Variants in MYO1B observed in about 807,000 individuals in gnomAD.
MYO1B encodes unconventional myosin-Ib.
A neutral mutation model predicts 159.7 loss-of-function variants in MYO1B; 72 were observed. That is an observed-to-expected ratio of 0.45 (90% confidence interval 0.37 to 0.55). The LOEUF (loss-of-function observed/expected upper bound fraction) is 0.55. MYO1B is among the 20% of genes least tolerant of loss of function. MYO1B has a pLI of 0.00. For synonymous variants in MYO1B, 468 were observed against 473.8 expected (o/e 0.99, Z 0.16); for missense variants, 1,062 against 1,364.8 (o/e 0.78, Z 3.50).
intron 1 of MYO1B, among the ~76,000 whole-genome samples, chr2:191,265,036 G>A (rs115595939): frequency 6.5e-4 from 99 of 152,132 alleles, no homozygotes; most frequent in African/African-American, 2.0e-3. Context: ...TGCAGTAGTC[G>A]TTGTAACCTA....
At position 191,396,421 on chromosome 2, in the gene MYO1B, T is replaced by C; in HGVS notation, c.2227-8T>C. On this transcript the variant is annotated splice_region_variant and splice_polypyrimidine_tract_variant and intron_variant, in intron 20 of 30. Transcript: ENST00000392318. ...CAACTGCCAATATCTTCCCCTTTTATCCTACAGCAACAAAAGAGGTACCAG... is the reference window on the plus strand; with the variant it reads ...CAACTGCCAATATCTTCCCCTTTTACCCTACAGCAACAAAAGAGGTACCAG... 1 of 1,614,064 alleles carries C rather than the reference T, an allele frequency of 6.2e-7. No homozygotes were observed.
chr2:191,271,498 A>C (rs1178986770), intron 1 of MYO1B, among the ~76,000 whole-genome samples: 1 of 142,512 alleles, frequency 7.0e-6, no homozygotes, highest in Non-Finnish European at 1.5e-5. Flanking sequence ...ACATAGCAAG[A>C]TCTTCTTTCT....
intron 1 of MYO1B, among the ~76,000 whole-genome samples, chr2:191,258,054 C>T (rs1358721809): frequency 1.3e-5 from 2 of 151,980 alleles, no homozygotes; most frequent in African/African-American, 4.8e-5. Context: ...AAATTAGAAC[C>T]AATATATGTA....
intron 29 of MYO1B, 29 bp from the exon 30 acceptor site, chr2:191,416,086 T>A (rs763946520): frequency 5.6e-6 from 9 of 1,604,228 alleles, no homozygotes; most frequent in Non-Finnish European, 7.6e-6. Context: ...TATCTTTAAT[T>A]ATGACCGACT....
At position 191,364,283 on chromosome 2, in the gene MYO1B, GA is replaced by G; in HGVS notation, c.1032+10del. ...TACACTGAATGTGGCTCAGGTGGGT[GA>G]AACATAATGTACAGACGAAAGTTTC... On this transcript the variant is annotated splice_region_variant and intron_variant, in intron 11 of 30. Transcript: ENST00000392318. 2 of 1,594,604 alleles carry G rather than the reference GA, an allele frequency of 1.3e-6. No homozygotes were observed. The highest frequency in any genetic ancestry group is 1.7e-6 in the Non-Finnish European group (2 of 1,162,512).
At position 191,362,158 on chromosome 2, in the gene MYO1B, A is replaced by G. The variant is rs533228042; in HGVS notation, c.662-110A>G. 153 of 737,760 alleles carry G rather than the reference A, an allele frequency of 2.1e-4. 1 individual carries two copies. In the South Asian group the frequency reaches 2.9e-3, roughly 14 times the overall value. 45.7% of individuals were successfully genotyped at this position (737,760 alleles called of 1,614,324 possible). A position where few individuals can be genotyped will look rare whatever the true frequency, so the allele number is the denominator to read the frequency against. On this transcript the variant is annotated intron_variant, in intron 8 of 30. Transcript: ENST00000392318. ...ATAATTTGTGTTCTTTTGATTCAAT[A>G]CTTAATATAAAAGCCATGTTACCGA...
At chr2:191,414,270 G>A (rs1697427051) in intron 28 of MYO1B, 90 bp downstream of exon 28, 2 of 1,468,714 alleles carry the variant, frequency 1.4e-6, no homozygotes, top group African/African-American at 1.4e-5. Context: ...TGCATTTCAT[G>A]TTCTCAGTAG....
chr2:191,333,203 G>A (rs6722183), intron 4 of MYO1B, among the ~76,000 whole-genome samples: 70,002 of 151,854 alleles, frequency 0.46, 16,956 homozygotes, highest in African/African-American at 0.62. Context: ...CTATTTTCCA[G>A]TAACGTTAAT....
At chr2:191,375,470 AAGAT>A (rs149225477) in intron 13 of MYO1B, among the ~76,000 whole-genome samples, 1,898 of 146,356 alleles carry the variant, frequency 0.013, 14 homozygotes, top group African/African-American at 0.019. Flanking sequence ...TGATTTGTAA[AAGAT>A]AGATAGATAG....
At chr2:191,282,382 G>A (rs1012184755) in intron 2 of MYO1B, among the ~76,000 whole-genome samples, 1 of 152,210 alleles carries the variant, frequency 6.6e-6, no homozygotes, top group Admixed American at 6.5e-5. Context: ...GGCTCATGGT[G>A]GTGGTGGTGG....
chr2:191,330,484 G>T (rs1319718955), intron 4 of MYO1B, among the ~76,000 whole-genome samples: 1 of 152,202 alleles, frequency 6.6e-6, no homozygotes, highest in African/African-American at 2.4e-5. Flanking sequence ...GAAGAATTGA[G>T]ATTTTTATAT....
intron 21 of MYO1B, 21 bp downstream of exon 21, chr2:191,396,518 C>T (rs1340144052): frequency 6.2e-7 from 1 of 1,612,220 alleles, no homozygotes; most frequent in Non-Finnish European, 8.5e-7. Context: ...AAGAAGTATG[C>T]TTTATTTATT....
At chr2:191,399,903 A>G (rs1239359087) in intron 21 of MYO1B, among the ~76,000 whole-genome samples, 1 of 152,210 alleles carries the variant, frequency 6.6e-6, no homozygotes, top group Non-Finnish European at 1.5e-5. Flanking sequence ...CCATAAAATC[A>G]GTTTCCAGCA....
chr2:191,309,448 T>C (rs769396387), intron 3 of MYO1B, among the ~76,000 whole-genome samples: 31 of 152,140 alleles, frequency 2.0e-4, no homozygotes, highest in Non-Finnish European at 4.3e-4. Context: ...CCGCCAACTT[T>C]CTTATCTTCA....
chr2:191,300,228 G>A (rs1259982801), intron 3 of MYO1B, among the ~76,000 whole-genome samples: 2 of 152,086 alleles, frequency 1.3e-5, no homozygotes, highest in Non-Finnish European at 2.9e-5. Context: ...AATATTTCAT[G>A]AATTTAGTTC....
intron 13 of MYO1B, among the ~76,000 whole-genome samples, chr2:191,372,708 T>C (rs1348445043): frequency 2.0e-5 from 3 of 152,064 alleles, no homozygotes; most frequent in Admixed American, 6.6e-5. Flanking sequence ...CTGGGTGAAA[T>C]ACCCTATACC....
chr2:191,282,239 C>T (rs781357319), intron 2 of MYO1B, among the ~76,000 whole-genome samples: 8 of 152,154 alleles, frequency 5.3e-5, no homozygotes, highest in Admixed American at 1.3e-4. Flanking sequence ...GAATAACATA[C>T]GTATATTATC....
At chr2:191,390,214 A>AT (rs1453219778) in intron 17 of MYO1B, 78 bp from the exon 18 acceptor site, 4 of 1,334,286 alleles carry the variant, frequency 3.0e-6, no homozygotes, top group Non-Finnish European at 4.1e-6. Flanking sequence ...AAACAGTTAT[A>AT]TATAATACTT....
intron 21 of MYO1B, among the ~76,000 whole-genome samples, chr2:191,398,691 C>T (rs1696370884): frequency 1.3e-5 from 2 of 151,954 alleles, no homozygotes; most frequent in East Asian, 3.9e-4. Context: ...AGATGCTCCT[C>T]ACTTCCTAGA....
Sources: allele counts gnomAD v4.1 joint callset (sites outside exome capture counted in the v4.1 genomes callset), GRCh38; gene constraint gnomAD v4.1.1; transcripts MANE v1.5; gene names NCBI Gene and HGNC (gene_info 2026-07-23, HGNC 2026-07-21).